The following ZNF789 variants were observed in gnomAD, a reference collection of about 807,000 sequenced individuals.
ZNF789 encodes zinc finger protein 789.
ZNF789 carries 11 observed loss-of-function variants against 15.6 expected under a neutral mutation model. That is an observed-to-expected ratio of 0.70 (90% CI 0.44 to 1.16). The LOEUF (loss-of-function observed/expected upper bound fraction) is 1.16, where lower values mean the gene tolerates loss of function less well. Ranked by LOEUF, ZNF789 falls within the 50% of genes most tolerant of loss-of-function variation. ZNF789 has a pLI of 0.00. For missense variants in ZNF789, 461 were observed against 512.6 expected (o/e 0.90, Z 0.97); for synonymous variants, 159 against 176.0 (o/e 0.90, Z 0.76).
At chr7:99,486,397 C>A in intron 4 of ZNF789, 79 bp from the exon 5 acceptor site, 1 of 1,301,394 alleles carries the variant, frequency 7.7e-7, no homozygotes, top group Non-Finnish European at 1.1e-6. Flanking sequence ...TTGTCCTAGA[C>A]CCCTAACAGT....
chr7:99,484,921 T>C (rs1334965078), intron 4 of ZNF789, among the ~76,000 whole-genome samples: 2 of 152,122 alleles, frequency 1.3e-5, no homozygotes, highest in Non-Finnish European at 2.9e-5. Context: ...AGAGCAAGAC[T>C]GTCTGAAAAA....
Position 99,487,444 on chromosome 7 carries a change from T to G in ZNF789, c.1234T>G (p.Phe412Val). ...AAAATCTTTCAAGTGGCACACAAGC[T>G]TTATTAAGCACCAGGGCACTCACAA... ...CGKSFKWHTS[F>V]IKHQGTHKGQ... The change falls in exon 5 of 5, where the codon TTT (phenylalanine) becomes GTT (valine). Residue 412 changes from phenylalanine to valine, a missense_variant. Physicochemically the swap from Phe to Val is conservative, Grantham distance 50. Transcript: ENST00000331410. 1 of 1,614,202 alleles carries G rather than the reference T, an allele frequency of 6.2e-7. No individual in the cohort carries two copies.
At chr7:99,478,339 G>A (rs994025409) in intron 2 of ZNF789, 1 of 1,289,588 alleles carries the variant, frequency 7.8e-7, no homozygotes, top group African/African-American at 1.5e-5. Flanking sequence ...TGGTAAAAGA[G>A]TGACACTCTG....
chr7:99,483,245 TAAATAA>T (rs1018847537), intron 3 of ZNF789, among the ~76,000 whole-genome samples: 58 of 151,522 alleles, frequency 3.8e-4, no homozygotes, highest in African/African-American at 1.3e-3. Context: ...AATAAATAAA[TAAATAA>T]AAATAAAAAT....
Position 99,476,408 on chromosome 7 carries a change from C to T in ZNF789, c.-49C>T, listed in dbSNP as rs769527773. On this transcript the variant is annotated 5_prime_UTR_variant, in exon 2 of 5. Transcript: ENST00000331410. ...TGACTTTTTTTCTTCTCCAGCTCAG[C>T]CAGACGTCCAGGATCCCACCCCTTG... The T allele has an allele frequency of 1.3e-6, 2 of 1,597,348 alleles. No homozygotes were observed. Among genetic ancestry groups the T allele is most frequent in the African/African-American group, 1.3e-5 (1 of 74,078 alleles).
intron 1 of ZNF789, among the ~76,000 whole-genome samples, chr7:99,473,843 ACTC>A (rs999003514): frequency 1.3e-5 from 2 of 150,760 alleles, no homozygotes; most frequent in Non-Finnish European, 3.0e-5. Context: ...CTGGTCTTGA[ACTC>A]CTGACCTCAT....
At position 99,486,844 on chromosome 7, in the gene ZNF789, C is replaced by T. The variant is rs370724585; in HGVS notation, c.634C>T (p.Arg212Cys). ...CAGTGAATGTGGAAAAGTCATTAGGCGTAAGGCATGGTTTGATCAACATCA... is the reference window on the plus strand; with the variant it reads ...CAGTGAATGTGGAAAAGTCATTAGGTGTAAGGCATGGTTTGATCAACATCA... ...ECSECGKVIRRKAWFDQHQRI... is the reference protein window; with the variant it reads ...ECSECGKVIRCKAWFDQHQRI... The change falls in exon 5 of 5, where the codon CGT (arginine) becomes TGT (cysteine). Residue 212 changes from arginine to cysteine, a missense_variant. Physicochemically the swap from Arg to Cys is radical, Grantham distance 180. Coordinates refer to ENST00000331410, the MANE Select transcript of ZNF789 (RefSeq NM_213603.3). 9 of 1,613,922 alleles carry T rather than the reference C, an allele frequency of 5.6e-6. No individual in the cohort carries two copies. The highest frequency in any genetic ancestry group is 7.6e-6 in the Non-Finnish European group (9 of 1,180,022).
Position 99,487,567 on chromosome 7 carries a change from T to C in ZNF789, c.*79T>C, listed in dbSNP as rs1169175674. On this transcript the variant is annotated 3_prime_UTR_variant, in exon 5 of 5. Coordinates refer to ENST00000331410, the MANE Select transcript of ZNF789 (RefSeq NM_213603.3). ...AGTGTGTATCACGTAATTGTTTCCA[T>C]GAAAAGCAATAAATGTAACAAAGGG... The C allele has an allele frequency of 6.7e-7, 1 of 1,486,966 alleles. No homozygotes were observed. Among genetic ancestry groups the C allele is most frequent in the Non-Finnish European group, 9.0e-7 (1 of 1,106,690 alleles). The allele number at this position is 1,486,966 out of a possible 1,614,324, so 92.1% of individuals were successfully genotyped here.
rs1185347281 is a variant in ZNF789 at position 99,485,232 on chromosome 7, G to T, written c.265+1089G>T. The T allele has an allele frequency of 2.6e-6, 4 of 1,535,648 alleles. No individual in the cohort carries two copies. In the South Asian group the frequency reaches 3.6e-5, roughly 14 times the overall value. On this transcript the variant is annotated intron_variant, in intron 4 of 4. Coordinates refer to ENST00000331410, the MANE Select transcript of ZNF789 (RefSeq NM_213603.3). ...GCTGCTCCTGTTTTTCACATCCAAGGTTTCTCCTCCATGGCACTACTGACG... is the reference window on the plus strand; with the variant it reads ...GCTGCTCCTGTTTTTCACATCCAAGTTTTCTCCTCCATGGCACTACTGACG...
chr7:99,475,466 G>A (rs540494634), intron 1 of ZNF789, among the ~76,000 whole-genome samples: 3 of 152,288 alleles, frequency 2.0e-5, no homozygotes, highest in African/African-American at 7.2e-5. Flanking sequence ...CAGGCTAGAG[G>A]TGAGGGTTGA....
chr7:99,479,893 A>G, intron 3 of ZNF789, 106 bp downstream of exon 3: 3 of 1,447,040 alleles, frequency 2.1e-6, no homozygotes, highest in South Asian at 3.0e-5. Context: ...GTGAAAACCG[A>G]AAGGTTTTTT....
chr7:99,484,828 C>T (rs1322202537), intron 4 of ZNF789, among the ~76,000 whole-genome samples: 1 of 151,864 alleles, frequency 6.6e-6, no homozygotes, highest in East Asian at 1.9e-4. Context: ...ACTCAGGAGG[C>T]TGAGGTGTGA....
Position 99,476,479 on chromosome 7 carries a change from A to G in ZNF789, c.23A>G (p.Lys8Arg). The G allele has an allele frequency of 1.2e-6, 2 of 1,612,174 alleles. No individual in the cohort carries two copies. The highest frequency in any genetic ancestry group is 2.7e-5 in the African/African-American group (2 of 74,994). ...GCCATGTTCCCACCAGCCAGGGGGA[A>G]GGTGAGCTGTGCCTCCCCCTCTGCT... Reference protein sequence around the residue: MFPPARGKELLSFEDVAM... With the variant: MFPPARGRELLSFEDVAM... The change falls in exon 2 of 5, where the codon AAG (lysine) becomes AGG (arginine). Residue 8 changes from lysine to arginine, a missense_variant and splice_region_variant. By Grantham distance (26) the Lys-to-Arg change is conservative. Transcript: ENST00000331410.
chr7:99,474,694 G>A (rs1368190894), intron 1 of ZNF789, among the ~76,000 whole-genome samples: 1 of 152,210 alleles, frequency 6.6e-6, no homozygotes, highest in African/African-American at 2.4e-5. Flanking sequence ...CAAGTTTGGT[G>A]TAGAGAATGA....
chr7:99,475,858 G>T (rs919247051), intron 1 of ZNF789, among the ~76,000 whole-genome samples: 1 of 146,190 alleles, frequency 6.8e-6, no homozygotes, highest in Admixed American at 7.0e-5. Flanking sequence ...AGGCTGGAGT[G>T]CAGTGGTACA....
intron 1 of ZNF789, 110 bp from the exon 2 acceptor site, chr7:99,476,293 C>CT: frequency 1.6e-6 from 1 of 633,896 alleles, no homozygotes; most frequent in African/African-American, 1.9e-5. Context: ...AACACAGGGA[C>CT]TTTGTATTAA....
chr7:99,486,734 A>G lies in ZNF789; in HGVS notation c.524A>G (p.Tyr175Cys), dbSNP rs569825260. Residue 175 changes from tyrosine (Y) to cysteine (C), a missense_variant, in exon 5 of 5, where the codon TAT becomes TGT. Transcript: ENST00000331410. ...NAQTRWKQGRYDEDGKPFNQR... is the reference protein window; with the variant it reads ...NAQTRWKQGRCDEDGKPFNQR... ...CAAACAAGGTGGAAGCAGGGCAGAT[A>G]TGATGAGGATGGCAAACCCTTCAAT... The G allele has an allele frequency of 2.5e-6, 4 of 1,614,246 alleles. No individual in the cohort carries two copies. The East Asian group carries it at 6.7e-5, about 27-fold the overall frequency.
chr7:99,483,492 T>TG (rs1201942104), intron 3 of ZNF789, among the ~76,000 whole-genome samples: 1 of 151,748 alleles, frequency 6.6e-6, no homozygotes, highest in Non-Finnish European at 1.5e-5. Flanking sequence ...TAGCAAAGCG[T>TG]GGGGGCGCTG....
chr7:99,478,340 T>C (rs1426702832), intron 2 of ZNF789: 12 of 1,289,262 alleles, frequency 9.3e-6, no homozygotes, highest in African/African-American at 1.5e-5. Context: ...GGTAAAAGAG[T>C]GACACTCTGG....
Sources: allele counts gnomAD v4.1 joint callset (sites outside exome capture counted in the v4.1 genomes callset), GRCh38; gene constraint gnomAD v4.1.1; transcripts MANE v1.5; gene names NCBI Gene and HGNC (gene_info 2026-07-23, HGNC 2026-07-21).